POLN: variants seen among roughly 807,000 people sequenced by gnomAD.
POLN encodes DNA polymerase N.
Under a neutral mutation model 113.5 loss-of-function variants are expected in POLN, and 108 were observed. The observed-to-expected ratio is 0.95, with a 90% CI of 0.81 to 1.12. The LOEUF is 1.12. POLN is among the 50% of genes most tolerant of loss of function. The probability of loss-of-function intolerance (pLI) is 0.00; values close to 1 mark genes in which losing one functional copy is unlikely to be tolerated. For missense variants in POLN, 1,097 were observed against 1,077.1 expected, an observed-to-expected ratio of 1.02 and a Z score of -0.26; for synonymous variants, 386 against 391.5, an observed-to-expected ratio of 0.99 and a Z score of 0.17.
Position 2,128,207 on chromosome 4 carries a change from G to A in POLN, c.1888C>T (p.Arg630Cys), listed in dbSNP as rs201300268. ...LAADFSQIEL[R>C]ILTHLSGDPE... is the part of the protein sequence containing the mutation. Reference sequence around the variant, plus strand: ...TCTCCAGATAAATGTGTAAGAATGCGCAATTCAATCTGTGAAAAGTCTGTG... The same window carrying A: ...TCTCCAGATAAATGTGTAAGAATGCACAATTCAATCTGTGAAAAGTCTGTG... Residue 630 changes from arginine (R) to cysteine (C), a missense_variant, in exon 19 of 26, where the codon CGC becomes TGC. Transcript: ENST00000511885. The A allele has an allele frequency of 2.1e-5, 33 of 1,607,578 alleles. No individual in the cohort carries two copies. Among genetic ancestry groups the A allele is most frequent in the Admixed American group, 8.3e-5 (5 of 59,912 alleles).
chr4:2,110,071 C>A (rs1731155025), intron 19 of POLN, among the ~76,000 whole-genome samples: 1 of 152,144 alleles, frequency 6.6e-6, no homozygotes, highest in African/African-American at 2.4e-5. Flanking sequence ...AACTAGAACT[C>A]AGGATTAAGA....
chr4:2,095,810 A>G, intron 20 of POLN, 41 bp downstream of exon 20: 2 of 1,565,764 alleles, frequency 1.3e-6, no homozygotes, highest in Non-Finnish European at 8.8e-7. Context: ...CTGCCAGCTT[A>G]CAGGTAACCC....
At chr4:2,129,956 A>G (rs1413877121) in intron 17 of POLN, among the ~76,000 whole-genome samples, 1 of 151,938 alleles carries the variant, frequency 6.6e-6, no homozygotes, top group African/African-American at 2.4e-5. Flanking sequence ...GTATTTTAGA[A>G]AGGACTGCTC....
chr4:2,165,256 G>C (rs1418383989), intron 13 of POLN, among the ~76,000 whole-genome samples: 1 of 152,154 alleles, frequency 6.6e-6, no homozygotes, highest in Non-Finnish European at 1.5e-5. Context: ...GAAAAGAAAT[G>C]AACTATCAGG....
chr4:2,241,823 G>T (rs1391116697), intron 1 of POLN, 33 bp from the exon 2 acceptor site: 1 of 985,310 alleles, frequency 1.0e-6, no homozygotes, highest in African/African-American at 1.7e-5. Flanking sequence ...CCACCGAATC[G>T]CCGTCGACAC....
At chr4:2,159,750 T>C (rs560305429) in intron 13 of POLN, among the ~76,000 whole-genome samples, 3 of 152,312 alleles carry the variant, frequency 2.0e-5, no homozygotes, top group African/African-American at 7.2e-5. Flanking sequence ...CACCTGGACT[T>C]CTACCACAGG....
At chr4:2,110,228 A>G (rs570716498) in intron 19 of POLN, among the ~76,000 whole-genome samples, 2 of 152,320 alleles carry the variant, frequency 1.3e-5, no homozygotes, top group South Asian at 4.1e-4. Flanking sequence ...TCTCTGGGAC[A>G]CATTCAAAGC....
rs191599324 is a variant in POLN, at chr4:2,241,567, G to C, written c.-60C>G. 5.1e-6 allele frequency: 5 copies of C among 985,768 alleles called. No homozygotes were observed. Among genetic ancestry groups the C allele is most frequent in the African/African-American group, 1.7e-5 (1 of 57,366 alleles). 61.1% of individuals were successfully genotyped at this position (985,768 alleles called of 1,614,324 possible). A position where few individuals can be genotyped will look rare whatever the true frequency, so the allele number is the denominator to read the frequency against. On this transcript the variant is annotated 5_prime_UTR_variant, in exon 2 of 26. Coordinates refer to ENST00000511885, the MANE Select transcript of POLN (RefSeq NM_181808.4). The stretch of plus-strand genomic sequence containing the variant: ...CTCCACCTCCAGAGTCCACCACCGC[G>C]ACGCGGAGAACAGCAGGAGCAGCAG...
In POLN at chr4:2,159,184, A is replaced by C; in HGVS notation, c.1582T>G (p.Leu528Val). 1 of 1,609,318 alleles carries C rather than the reference A, an allele frequency of 6.2e-7. No individual in the cohort carries two copies. The highest frequency in any genetic ancestry group is 1.1e-5 in the South Asian group (1 of 90,690). ...CTGTATTCCAAAATTATCTTGGGTA[A>C]TGGATGAAGGTCTCGCAGAGCATTT... ...VLNALRDLHP[L>V]PKIILEYRQV... The change falls in exon 14 of 26, where the codon TTA (leucine) becomes GTA (valine). Residue 528 changes from leucine to valine, a missense_variant. Coordinates refer to ENST00000511885, the MANE Select transcript of POLN (RefSeq NM_181808.4).
At chr4:2,198,080 C>T (rs1444254778) in intron 6 of POLN, among the ~76,000 whole-genome samples, 1 of 152,204 alleles carries the variant, frequency 6.6e-6, no homozygotes, top group African/African-American at 2.4e-5. Context: ...TGCCTCTTTC[C>T]ACAGACATGG....
At chr4:2,207,803 T>G (rs560565085) in intron 5 of POLN, among the ~76,000 whole-genome samples, 184 bp downstream of exon 5, 24 of 152,368 alleles carry the variant, frequency 1.6e-4, no homozygotes, top group African/African-American at 5.8e-4. Context: ...ACACCCACTC[T>G]GGAAAACAGT....
At chr4:2,104,852 A>G (rs1731013783) in intron 19 of POLN, among the ~76,000 whole-genome samples, 2 of 152,196 alleles carry the variant, frequency 1.3e-5, no homozygotes, top group Non-Finnish European at 1.5e-5. Flanking sequence ...GAGTTTCTGC[A>G]AAGGTGTGCT....
chr4:2,180,446 C>T (rs947934307), intron 7 of POLN, among the ~76,000 whole-genome samples: 12 of 152,146 alleles, frequency 7.9e-5, no homozygotes, highest in African/African-American at 2.9e-4. Context: ...GATCATATCA[C>T]ATTAAATATT....
chr4:2,153,389 T>C (rs1185546050), intron 16 of POLN, among the ~76,000 whole-genome samples: 4 of 152,124 alleles, frequency 2.6e-5, no homozygotes, highest in African/African-American at 7.2e-5. Flanking sequence ...GAGAGAAGTG[T>C]CTACAATAAA....
At chr4:2,167,535 G>A (rs1353657563) in intron 13 of POLN, among the ~76,000 whole-genome samples, 1 of 152,168 alleles carries the variant, frequency 6.6e-6, no homozygotes, top group Non-Finnish European at 1.5e-5. Flanking sequence ...AGGAGCATCT[G>A]AGAACCCTGA....
intron 5 of POLN, among the ~76,000 whole-genome samples, chr4:2,207,692 C>T (rs967017408): frequency 2.0e-5 from 3 of 152,094 alleles, no homozygotes; most frequent in South Asian, 4.1e-4. Flanking sequence ...AATACCACTT[C>T]GGAATCACTG....
chr4:2,101,267 T>C (rs1730917059), intron 19 of POLN, among the ~76,000 whole-genome samples: 2 of 152,172 alleles, frequency 1.3e-5, no homozygotes, highest in Admixed American at 6.5e-5. Context: ...AAATGTCTTT[T>C]TTTTCAAGGC....
At chr4:2,115,823 T>C (rs1193928906) in intron 19 of POLN, among the ~76,000 whole-genome samples, 1 of 152,236 alleles carries the variant, frequency 6.6e-6, no homozygotes, top group Non-Finnish European at 1.5e-5. Context: ...ACTACTGGTT[T>C]GAAATGTTTT....
At chr4:2,081,484 C>T in intron 22 of POLN, 149 bp downstream of exon 22, 1 of 731,238 alleles carries the variant, frequency 1.4e-6, no homozygotes, top group Non-Finnish European at 2.3e-6. Flanking sequence ...AACTGCCAGG[C>T]AGGACATGGG....
Sources: gnomAD v4.1 joint callset for allele counts (sites outside exome capture counted in the v4.1 genomes callset) on GRCh38, gnomAD v4.1.1 for gene constraint, MANE v1.5 for transcripts, NCBI Gene and HGNC (gene_info 2026-07-23, HGNC 2026-07-21) for gene names.